Variants in STRBP observed in about 807,000 individuals in gnomAD.
The protein encoded by STRBP is spermatid perinuclear RNA-binding protein.
A neutral mutation model predicts 80.1 loss-of-function variants in STRBP; 13 were observed. The ratio of observed to expected loss-of-function variants is 0.16; its 90% CI spans 0.11 to 0.26. STRBP has a LOEUF of 0.26. Ranked by LOEUF, STRBP falls within the 10% of genes least tolerant of loss-of-function variation. The pLI, the probability that STRBP is intolerant of heterozygous loss-of-function variation, is 1.00. For missense variants in STRBP, 485 were observed against 815.2 expected (o/e 0.59, Z 4.93); for synonymous variants, 284 against 291.2 (o/e 0.98, Z 0.25).
intron 1 of STRBP, among the ~76,000 whole-genome samples, chr9:123,266,216 T>C (rs1373524182): frequency 6.6e-6 from 1 of 152,122 alleles, no homozygotes; most frequent in East Asian, 1.9e-4. Context: ...TGTCCACTCG[T>C]CAAACCAATA....
At chr9:123,253,035 A>G (rs1444562908) in intron 1 of STRBP, among the ~76,000 whole-genome samples, 1 of 152,226 alleles carries the variant, frequency 6.6e-6, no homozygotes, top group Admixed American at 6.5e-5. Flanking sequence ...AGTCTTCAAT[A>G]CACACAATTT....
At chr9:123,215,769 A>G (rs1362147341) in intron 2 of STRBP, among the ~76,000 whole-genome samples, 2 of 152,210 alleles carry the variant, frequency 1.3e-5, no homozygotes, top group Non-Finnish European at 2.9e-5. Context: ...GGGAGACAAG[A>G]GCGAAACTCC....
chr9:123,130,781 G>C (rs2036103179), intron 17 of STRBP, among the ~76,000 whole-genome samples: 1 of 152,048 alleles, frequency 6.6e-6, no homozygotes, highest in African/African-American at 2.4e-5. Flanking sequence ...CAATGCTCCA[G>C]CTAAAAACCC....
Position 123,125,004 on chromosome 9 carries a change from C to G in STRBP, c.*593G>C. 2.0e-6 allele frequency: 2 copies of G among 983,998 alleles called. No homozygotes were observed. Among genetic ancestry groups the G allele is most frequent in the Non-Finnish European group, 2.4e-6 (2 of 828,250 alleles). 61.0% of individuals were successfully genotyped at this position (983,998 alleles called of 1,614,324 possible). A position where few individuals can be genotyped will look rare whatever the true frequency, so the allele number is the denominator to read the frequency against. On this transcript the variant is annotated 3_prime_UTR_variant, in exon 19 of 19. Transcript: ENST00000348403. ...GTTTTCAATTCCTTGTAATTTGATACCAAAACATATCAAAAATAATAAGCT... is the reference window on the plus strand; with the variant it reads ...GTTTTCAATTCCTTGTAATTTGATAGCAAAACATATCAAAAATAATAAGCT...
At chr9:123,216,564 C>T (rs1209754491) in intron 2 of STRBP, among the ~76,000 whole-genome samples, 1 of 152,200 alleles carries the variant, frequency 6.6e-6, no homozygotes, top group Non-Finnish European at 1.5e-5. Context: ...GCTGTGCTTA[C>T]TACCCTTTAG....
chr9:123,192,906 A>G (rs1473045614), intron 2 of STRBP, among the ~76,000 whole-genome samples: 1 of 152,158 alleles, frequency 6.6e-6, no homozygotes, highest in East Asian at 1.9e-4. Context: ...CCAAGGTCCT[A>G]TCGTCATTCT....
intron 11 of STRBP, among the ~76,000 whole-genome samples, chr9:123,150,787 A>AC (rs1409176878): frequency 1.3e-5 from 2 of 151,712 alleles, no homozygotes; most frequent in Non-Finnish European, 2.9e-5. Flanking sequence ...GGGCTGGTGA[A>AC]CCCCCCACAC....
intron 6 of STRBP, among the ~76,000 whole-genome samples, chr9:123,166,004 T>C (rs1344201846): frequency 6.6e-6 from 1 of 152,198 alleles, no homozygotes; most frequent in East Asian, 1.9e-4. Flanking sequence ...AATCAGACAA[T>C]ATGCTGACTA....
chr9:123,149,370 A>C (rs990508025), intron 11 of STRBP, among the ~76,000 whole-genome samples: 1 of 152,210 alleles, frequency 6.6e-6, no homozygotes, highest in Non-Finnish European at 1.5e-5. Flanking sequence ...GCAGTCTTTA[A>C]GAGATAAAAG....
intron 2 of STRBP, among the ~76,000 whole-genome samples, chr9:123,229,742 A>G (rs2040346390): frequency 6.6e-6 from 1 of 152,224 alleles, no homozygotes; most frequent in Admixed American, 6.5e-5. Context: ...TAGCAAGGTC[A>G]TCAGTTGAAT....
chr9:123,201,863 T>C (rs2039337831), intron 2 of STRBP, among the ~76,000 whole-genome samples: 1 of 152,256 alleles, frequency 6.6e-6, no homozygotes, highest in African/African-American at 2.4e-5. Flanking sequence ...ACCACTGCTA[T>C]TGTTTTGCTG....
At chr9:123,208,992 T>C (rs943174850) in intron 2 of STRBP, among the ~76,000 whole-genome samples, 2 of 152,194 alleles carry the variant, frequency 1.3e-5, no homozygotes, top group Non-Finnish European at 2.9e-5. Flanking sequence ...TCTGCTTGCA[T>C]TCCAGCTCAG....
At position 123,110,801 on chromosome 9, in the gene STRBP, C is replaced by A. The variant is rs990826105; in HGVS notation, c.*85-1048G>T. On this transcript the variant is annotated intron_variant and NMD_transcript_variant, in intron 3 of 3. Coordinates refer to the STRBP transcript ENST00000471564. This position sits in a 1 kb window ranked among gnomAD's most constrained non-coding sequence, Gnocchi z 4.1. ...CCCAGTAACATTTCTAAAAATGAGC[C>A]CTCCTCCCTCGGAAAGGTAGTAAGT... The A allele has an allele frequency of 5.9e-6, 1 of 169,180 alleles. No homozygotes were observed. Among genetic ancestry groups the A allele is most frequent in the African/African-American group, 2.4e-5 (1 of 41,500 alleles). The allele number at this position is 169,180 out of a possible 1,614,324, so 10.5% of individuals were successfully genotyped here. A position where few individuals can be genotyped will look rare whatever the true frequency, so the allele number is the denominator to read the frequency against.
At chr9:123,181,824 A>G (rs1157632043) in intron 3 of STRBP, among the ~76,000 whole-genome samples, 1 of 145,458 alleles carries the variant, frequency 6.9e-6, no homozygotes. Flanking sequence ...AAAAAAAAAA[A>G]AAAAAAAAAA....
chr9:123,180,203 T>C (rs1319064118), intron 3 of STRBP, among the ~76,000 whole-genome samples: 1 of 152,080 alleles, frequency 6.6e-6, no homozygotes, highest in African/African-American at 2.4e-5. Context: ...TTAAGTGAGC[T>C]ACCACTATGT....
At chr9:123,155,172 T>A (rs1212368500) in intron 11 of STRBP, among the ~76,000 whole-genome samples, 1 of 152,140 alleles carries the variant, frequency 6.6e-6, no homozygotes, top group African/African-American at 2.4e-5. Flanking sequence ...TGAGAACATA[T>A]ACAAGTTATC....
In STRBP at chr9:123,121,769, TA is replaced by T. The variant is rs1321630379; in HGVS notation, c.*3827del. ...TTGATCCTCAGCTTGTGTAACAGCT[TA>T]CACATACAGATCCTACCAGCACTAT... On this transcript the variant is annotated 3_prime_UTR_variant, in exon 19 of 19. Coordinates refer to ENST00000348403, the MANE Select transcript of STRBP (RefSeq NM_018387.5). 1.3e-5 allele frequency: 2 copies of T among 152,372 alleles called. No homozygotes were observed. The highest frequency in any genetic ancestry group is 2.4e-5 in the African/African-American group (1 of 41,548). 9.4% of individuals were successfully genotyped at this position (152,372 alleles called of 1,614,324 possible).
chr9:123,209,474 C>T (rs2132529274), intron 2 of STRBP, among the ~76,000 whole-genome samples: 1 of 152,300 alleles, frequency 6.6e-6, no homozygotes, highest in African/African-American at 2.4e-5. Context: ...AATGTAAAAG[C>T]ATTTGATAAA....
chr9:123,264,539 G>C (rs536872188), intron 1 of STRBP, among the ~76,000 whole-genome samples: 1 of 152,312 alleles, frequency 6.6e-6, no homozygotes, highest in East Asian at 1.9e-4. Context: ...CCGTATTTAC[G>C]TAGCTCCAGT....
Sources: allele counts gnomAD v4.1 joint callset (sites outside exome capture counted in the v4.1 genomes callset), GRCh38; gene constraint gnomAD v4.1.1; non-coding constraint Gnocchi (gnomAD v3.1); transcripts MANE v1.5; gene names NCBI Gene and HGNC (gene_info 2026-07-23, HGNC 2026-07-21).